The following COG5 variants were observed in gnomAD, a reference collection of about 807,000 sequenced individuals.
The protein encoded by COG5 is component of oligomeric golgi complex 5, also known as conserved oligomeric Golgi complex subunit 5.
A neutral mutation model predicts 110.4 loss-of-function variants in COG5; 86 were observed. The observed-to-expected ratio is 0.78, with a 90% CI of 0.65 to 0.93. COG5 has a LOEUF of 0.93. Ranked by LOEUF, COG5 falls within the 40% of genes least tolerant of loss-of-function variation. The pLI is 0.00. For synonymous variants in COG5, 360 were observed against 334.6 expected, an observed-to-expected ratio of 1.08 and a Z score of -0.83; for missense variants, 1,077 against 987.0, an observed-to-expected ratio of 1.09 and a Z score of -1.22.
rs775128001 is a variant in COG5, at chr7:107,362,105, T to C, written c.954A>G (p.Gln318=). ...TCTTGGCCAATACTTTTTGTAGATG[T>C]TGTACCTTAAATGAAACAAATGTAA... ...DHIYAVCGQV[Q]HLQKVLAKKR... is the part of the protein sequence containing the mutation. Residue 318 remains glutamine, a synonymous_variant, in exon 10 of 22, where the codon CAA becomes CAG. Transcript: ENST00000297135. 1 of 1,605,310 alleles carries C rather than the reference T, an allele frequency of 6.2e-7. No homozygotes were observed. The highest frequency in any genetic ancestry group is 2.2e-5 in the East Asian group (1 of 44,818).
At chr7:107,397,771 G>A (rs1485073186) in intron 7 of COG5, among the ~76,000 whole-genome samples, 1 of 152,064 alleles carries the variant, frequency 6.6e-6, no homozygotes, top group Non-Finnish European at 1.5e-5. Context: ...AACAAAAATA[G>A]AAAATCACAC....
At chr7:107,347,181 TGACA>T (rs1450121353) in intron 10 of COG5, among the ~76,000 whole-genome samples, 2 of 152,188 alleles carry the variant, frequency 1.3e-5, no homozygotes, top group African/African-American at 4.8e-5. Context: ...CCATCCCACC[TGACA>T]TTCTTTCAAA....
chr7:107,470,873 G>T (rs1368696523), intron 6 of COG5, among the ~76,000 whole-genome samples: 1 of 151,804 alleles, frequency 6.6e-6, no homozygotes, highest in Non-Finnish European at 1.5e-5. Flanking sequence ...ATTACCTTTT[G>T]TATTTCAACC....
chr7:107,539,101 G>A (rs1266352611), intron 5 of COG5, among the ~76,000 whole-genome samples: 1 of 151,970 alleles, frequency 6.6e-6, no homozygotes, highest in Non-Finnish European at 1.5e-5. Context: ...AACATAGTGA[G>A]AGACACTGTC....
intron 5 of COG5, among the ~76,000 whole-genome samples, chr7:107,541,523 A>AAAAAATAAAT (rs60423657): frequency 1.8e-5 from 1 of 57,028 alleles, no homozygotes; most frequent in Admixed American, 2.4e-4. Flanking sequence ...AAAAAAAAAA[A>AAAAAATAAAT]ATATATATAT....
Position 107,339,852 on chromosome 7 carries a change from T to C in COG5, c.1027-15331A>G, listed in dbSNP as rs1256232455. On this transcript the variant is annotated intron_variant, in intron 10 of 21. Coordinates refer to ENST00000297135, the MANE Select transcript of COG5 (RefSeq NM_006348.5). ...AGATAACATACCGAAATCTCTGTGATGCAGCAAAAGCAGTGTTAAGAGGAA... is the reference window on the plus strand; with the variant it reads ...AGATAACATACCGAAATCTCTGTGACGCAGCAAAAGCAGTGTTAAGAGGAA... Among the ~76,000 whole-genome samples, 3 of 152,066 alleles carry C rather than the reference T, an allele frequency of 2.0e-5. No homozygotes were observed. The East Asian group carries it at 5.8e-4, about 29-fold the overall frequency.
intron 8 of COG5, among the ~76,000 whole-genome samples, chr7:107,364,665 G>C (rs1285611802): frequency 6.6e-6 from 1 of 152,168 alleles, no homozygotes; most frequent in Non-Finnish European, 1.5e-5. Context: ...CTATATCCCT[G>C]CTTTTAAGGA....
intron 11 of COG5, among the ~76,000 whole-genome samples, chr7:107,314,233 T>C (rs893861177): frequency 4.6e-5 from 7 of 152,000 alleles, no homozygotes; most frequent in African/African-American, 7.2e-5. Context: ...AAAATTCCAT[T>C]AGAAATCTCT....
At chr7:107,244,025 T>C (rs1041973531) in intron 17 of COG5, among the ~76,000 whole-genome samples, 3 of 152,098 alleles carry the variant, frequency 2.0e-5, no homozygotes, top group African/African-American at 4.8e-5. Context: ...GGCAGCTGGA[T>C]CCCTTGAGGT....
At chr7:107,504,791 G>C (rs1798867179) in intron 6 of COG5, among the ~76,000 whole-genome samples, 1 of 152,076 alleles carries the variant, frequency 6.6e-6, no homozygotes, top group Admixed American at 6.6e-5. Context: ...ATGCATAGGG[G>C]TGTTAATAGT....
At chr7:107,302,119 A>G (rs1407905390) in intron 11 of COG5, among the ~76,000 whole-genome samples, 1 of 152,218 alleles carries the variant, frequency 6.6e-6, no homozygotes, top group Non-Finnish European at 1.5e-5. Context: ...AGTAGCAAAA[A>G]CTGGAAACAA....
At chr7:107,547,970 GC>G in intron 5 of COG5, 140 bp downstream of exon 5, 1 of 710,660 alleles carries the variant, frequency 1.4e-6, no homozygotes, top group Non-Finnish European at 2.4e-6. Flanking sequence ...ACATCTTAAG[GC>G]TTTTTAGTAT....
intron 11 of COG5, among the ~76,000 whole-genome samples, chr7:107,322,925 C>G (rs1010543091): frequency 1.3e-5 from 2 of 152,104 alleles, no homozygotes; most frequent in East Asian, 1.9e-4. Flanking sequence ...ATGGAAGAAT[C>G]TTAATTATGC....
At position 107,298,206 on chromosome 7, in the gene COG5, C is replaced by T; in HGVS notation, c.1249G>A (p.Val417Ile). 3.7e-6 allele frequency: 6 copies of T among 1,613,762 alleles called. No individual in the cohort carries two copies. The highest frequency in any genetic ancestry group is 5.1e-6 in the Non-Finnish European group (6 of 1,179,806). Reference sequence around the variant, plus strand: ...TCATCTTCCATGTGTTGTAGGTCAACATAGAGGTCTGTAGTTCCACTTGCA... The same window carrying T: ...TCATCTTCCATGTGTTGTAGGTCAATATAGAGGTCTGTAGTTCCACTTGCA... ...FNASGTTDLY[V>I]DLQHMEDDAQ... is the part of the protein sequence containing the mutation. Residue 417 changes from valine to isoleucine, a missense_variant, in exon 12 of 22, where the codon GTT (valine) becomes ATT (isoleucine). Physicochemically the swap from Val to Ile is conservative, Grantham distance 29 (BLOSUM62 3). Coordinates refer to ENST00000297135, the MANE Select transcript of COG5 (RefSeq NM_006348.5).
chr7:107,371,769 A>G (rs1814187836), intron 8 of COG5, among the ~76,000 whole-genome samples: 1 of 152,094 alleles, frequency 6.6e-6, no homozygotes, highest in Non-Finnish European at 1.5e-5. Context: ...AAAGAAAGAA[A>G]CATTGTCAAC....
chr7:107,367,263 T>C (rs897062824), intron 8 of COG5, among the ~76,000 whole-genome samples: 1 of 151,956 alleles, frequency 6.6e-6, no homozygotes, highest in African/African-American at 2.4e-5. Flanking sequence ...GAAAGCACAG[T>C]ACCCATAAAA....
At chr7:107,464,903 A>G (rs184405027) in intron 6 of COG5, among the ~76,000 whole-genome samples, 242 of 152,300 alleles carry the variant, frequency 1.6e-3, no homozygotes, top group Non-Finnish European at 2.9e-3. Context: ...TATAACAAAG[A>G]AAAGCAAGTC....
intron 19 of COG5, among the ~76,000 whole-genome samples, chr7:107,223,610 A>G (rs1800112343): frequency 6.6e-6 from 1 of 152,320 alleles, no homozygotes; most frequent in South Asian, 2.1e-4. Flanking sequence ...GGTGGCCACT[A>G]AAGTGGGGAG....
chr7:107,350,593 T>C (rs978474089), intron 10 of COG5, among the ~76,000 whole-genome samples: 1 of 152,178 alleles, frequency 6.6e-6, no homozygotes, highest in Non-Finnish European at 1.5e-5. Flanking sequence ...GATTCTAGTT[T>C]ATGAGATTGG....
Sources: allele counts gnomAD v4.1 joint callset (sites outside exome capture counted in the v4.1 genomes callset), GRCh38; gene constraint gnomAD v4.1.1; transcripts MANE v1.5; gene names NCBI Gene and HGNC (gene_info 2026-07-23, HGNC 2026-07-21).